PRSS3: variants seen among roughly 807,000 people sequenced by gnomAD.
PRSS3 encodes trypsin-3.
In PRSS3, 14 loss-of-function variants were observed where a neutral mutation model predicts 20.8. The observed-to-expected ratio is 0.67, with a 90% CI of 0.44 to 1.05. The LOEUF (loss-of-function observed/expected upper bound fraction) is 1.05, where lower values mean the gene tolerates loss of function less well. Among genes scored for constraint, PRSS3 ranks in the 50% least tolerant of loss-of-function variants. The pLI is 0.00. For missense variants in PRSS3, 237 were observed against 306.4 expected (o/e 0.77, Z 1.69); for synonymous variants, 91 against 117.6 (o/e 0.77, Z 1.46).
intron 1 of PRSS3, among the ~76,000 whole-genome samples, chr9:33,776,184 C>A (rs1971429): frequency 0.73 from 111,689 of 152,068 alleles, 41,039 homozygotes; most frequent in East Asian, 0.81. Flanking sequence ...AGCAGATTTT[C>A]AGATAGTGGA....
Position 33,776,210 on chromosome 9 carries a change from G to A in PRSS3, c.-52-18536G>A, listed in dbSNP as rs543992625. Among the ~76,000 whole-genome samples the A allele has an allele frequency of 1.4e-4, 22 of 152,238 alleles. 1 individual carries two copies. In the East Asian group the frequency reaches 2.9e-3, roughly 20 times the overall value. ...AGATAGTGGAAGAACCAGTGAACAT[G>A]AAAATAGACCAATAGAAATGATCCA... is the stretch of plus-strand genomic sequence containing the variant. On this transcript the variant is annotated intron_variant, in intron 1 of 5. Transcript: ENST00000342836.
At chr9:33,796,830 C>G in intron 2 of PRSS3, 28 bp downstream of exon 2, 1 of 1,613,898 alleles carries the variant, frequency 6.2e-7, no homozygotes, top group Non-Finnish European at 8.5e-7. Context: ...GACTGCAAAG[C>G]TCCCAGCCAG....
chr9:33,769,860 G>A (rs548199100), intron 1 of PRSS3, among the ~76,000 whole-genome samples: 9 of 152,354 alleles, frequency 5.9e-5, no homozygotes, highest in South Asian at 4.1e-4. Context: ...AGCCAAAAAG[G>A]ATTATTCTCA....
At chr9:33,760,898 T>C (rs1204829874) in intron 1 of PRSS3, among the ~76,000 whole-genome samples, 1 of 152,000 alleles carries the variant, frequency 6.6e-6, no homozygotes, top group Middle Eastern at 3.2e-3. Flanking sequence ...TAGAATTTAG[T>C]CCAATTTGTT....
At chr9:33,770,416 G>A (rs1823633003) in intron 1 of PRSS3, among the ~76,000 whole-genome samples, 1 of 152,122 alleles carries the variant, frequency 6.6e-6, no homozygotes, top group Admixed American at 6.5e-5. Flanking sequence ...AGTTGATGCT[G>A]GTCTGGGTTA....
At chr9:33,778,543 G>A (rs1454299764) in intron 1 of PRSS3, among the ~76,000 whole-genome samples, 1 of 151,878 alleles carries the variant, frequency 6.6e-6, no homozygotes, top group African/African-American at 2.4e-5. Context: ...TATACTAATG[G>A]TAAACAATTG....
At chr9:33,793,850 C>A, upstream of PRSS3, 1 of 345,116 alleles carries the variant, frequency 2.9e-6, no homozygotes, top group Non-Finnish European at 4.1e-6. Flanking sequence ...GGAAGTCAAA[C>A]TGTGAAACTC....
At chr9:33,790,064 CA>C (rs1443747676) in intron 1 of PRSS3, among the ~76,000 whole-genome samples, 1 of 152,252 alleles carries the variant, frequency 6.6e-6, no homozygotes, top group East Asian at 1.9e-4. Flanking sequence ...ACTATAAAAA[CA>C]TATTTTACCA....
upstream of PRSS3, chr9:33,795,485 G>A: frequency 1.3e-6 from 2 of 1,566,070 alleles, no homozygotes; most frequent in Admixed American, 1.7e-5. Flanking sequence ...GAAGAACTGT[G>A]ACCCTCACCT....
At chr9:33,780,578 G>A (rs1382435492) in intron 1 of PRSS3, among the ~76,000 whole-genome samples, 1 of 152,020 alleles carries the variant, frequency 6.6e-6, no homozygotes, top group South Asian at 2.1e-4. Flanking sequence ...ATATAAATGG[G>A]CTAAACACCT....
chr9:33,786,514 C>A, intron 1 of PRSS3: 1 of 757,296 alleles, frequency 1.3e-6, no homozygotes, highest in South Asian at 1.4e-5. Context: ...TCATGAATAT[C>A]TCTCTGGAAC....
At chr9:33,794,555 ATCT>A (rs964228342), upstream of PRSS3, among the ~76,000 whole-genome samples, 7 of 152,248 alleles carry the variant, frequency 4.6e-5, no homozygotes, top group East Asian at 3.9e-4. Flanking sequence ...ACCCCTCCAC[ATCT>A]TCTTATTGAT....
intron 1 of PRSS3, among the ~76,000 whole-genome samples, chr9:33,755,497 G>A (rs757151797): frequency 6.6e-6 from 1 of 151,982 alleles, no homozygotes; most frequent in Non-Finnish European, 1.5e-5. Flanking sequence ...GAAGGATGAC[G>A]GTTTGCTCCT....
intron 1 of PRSS3, among the ~76,000 whole-genome samples, chr9:33,774,917 C>T (rs1436185934): frequency 1.3e-5 from 2 of 151,994 alleles, no homozygotes; most frequent in East Asian, 3.9e-4. Context: ...ATCTGGGAGG[C>T]AGAGGTTGCA....
chr9:33,771,516 A>G lies in PRSS3; in HGVS notation c.-53+20789A>G, dbSNP rs1823689760. Among the ~76,000 whole-genome samples, 4 of 151,066 alleles carry G rather than the reference A, an allele frequency of 2.6e-5. 1 individual carries two copies. The South Asian group carries it at 8.4e-4, about 32-fold the overall frequency. On this transcript the variant is annotated intron_variant, in intron 1 of 5. Coordinates refer to the PRSS3 transcript ENST00000342836. Reference sequence around the variant, plus strand: ...GATTTTTGTATTTTTAGTAACAGACAGGGTTTCACTATGTTGGCCAGGCTG... The same window carrying G: ...GATTTTTGTATTTTTAGTAACAGACGGGGTTTCACTATGTTGGCCAGGCTG...
chr9:33,779,886 A>AC, intron 1 of PRSS3, among the ~76,000 whole-genome samples: 1 of 150,436 alleles, frequency 6.6e-6, no homozygotes, highest in Admixed American at 6.6e-5. Context: ...AAAAAAAAAA[A>AC]AAAAAAAAAA....
upstream of PRSS3, among the ~76,000 whole-genome samples, chr9:33,793,474 A>G (rs749000839): frequency 1.1e-4 from 17 of 152,372 alleles, no homozygotes; most frequent in South Asian, 4.1e-4. Context: ...GAGGTGTGTC[A>G]TCTACATGGC....
At chr9:33,752,136 T>C (rs1391257180) in intron 1 of PRSS3, among the ~76,000 whole-genome samples, 1 of 152,124 alleles carries the variant, frequency 6.6e-6, no homozygotes, top group Non-Finnish European at 1.5e-5. Flanking sequence ...AAGGAAACAG[T>C]GCCCCCACTT....
intron 1 of PRSS3, among the ~76,000 whole-genome samples, chr9:33,787,052 C>T (rs1824442558): frequency 6.6e-6 from 1 of 152,194 alleles, no homozygotes; most frequent in Non-Finnish European, 1.5e-5. Flanking sequence ...GTTCTATCCA[C>T]AGTCAGGAAG....
Sources: allele counts gnomAD v4.1 joint callset (sites outside exome capture counted in the v4.1 genomes callset), GRCh38; gene constraint gnomAD v4.1.1; transcripts MANE v1.5; gene names NCBI Gene and HGNC (gene_info 2026-07-23, HGNC 2026-07-21).